The following TBCD variants were observed in gnomAD, a reference collection of about 807,000 sequenced individuals.
The protein encoded by TBCD is tubulin-specific chaperone D.
Under a neutral mutation model 169.3 loss-of-function variants are expected in TBCD, and 105 were observed. That is an observed-to-expected ratio of 0.62 (90% CI 0.53 to 0.73). TBCD has a LOEUF of 0.73. Ranked by LOEUF, TBCD falls within the 30% of genes least tolerant of loss-of-function variation. The pLI is 0.00. For synonymous variants in TBCD, 700 were observed against 643.9 expected, an observed-to-expected ratio of 1.09 and a Z score of -1.32; for missense variants, 1,444 against 1,600.1, an observed-to-expected ratio of 0.90 and a Z score of 1.66.
At chr17:82,883,760 C>T (rs1190297714) in intron 14 of TBCD, among the ~76,000 whole-genome samples, 4 of 152,240 alleles carry the variant, frequency 2.6e-5, no homozygotes, top group East Asian at 1.9e-4. Context: ...TGCCAGTTCT[C>T]GTCCTCCAGG....
In TBCD at chr17:82,843,680, A is replaced by G. The variant is rs187490055; in HGVS notation, c.1319-26544A>G. On this transcript the variant is annotated intron_variant, in intron 13 of 38. Transcript: ENST00000355528. ...TTTCAGGTCAGTTGCAGACATCAGT[A>G]TGCTTTGCCCCAAACACTTTTCAGG... 3.3e-5 allele frequency among the ~76,000 whole-genome samples: 5 copies of G among 150,988 alleles called. No individual in the cohort carries two copies. In the East Asian group the frequency reaches 9.8e-4, roughly 30 times the overall value.
At chr17:82,905,345 C>T (rs2060166869) in intron 19 of TBCD, among the ~76,000 whole-genome samples, 1 of 152,262 alleles carries the variant, frequency 6.6e-6, no homozygotes, top group African/African-American at 2.4e-5. Context: ...ATGTCCAGCA[C>T]ACCGCAGCCT....
At position 82,893,633 on chromosome 17, in the gene TBCD, G is replaced by T; in HGVS notation, c.1649+1G>T. ...GATCCAACTGTTTCCTGGTTATAAG[G>T]TAAGTCTTTAATGTATATCACAAAA... On this transcript the variant is annotated splice_donor_variant, in intron 17 of 38. Transcript: ENST00000355528. LOFTEE classifies it high-confidence loss of function. 6.3e-7 allele frequency: 1 copy of T among 1,599,178 alleles called. No homozygotes were observed.
At chr17:82,787,339 G>C (rs2049391384) in intron 7 of TBCD, among the ~76,000 whole-genome samples, 1 of 152,262 alleles carries the variant, frequency 6.6e-6, no homozygotes, top group Non-Finnish European at 1.5e-5. Flanking sequence ...AAACTGCCGT[G>C]AAGCAACGCC....
At chr17:82,847,023 T>C (rs2055184796) in intron 13 of TBCD, among the ~76,000 whole-genome samples, 1 of 152,220 alleles carries the variant, frequency 6.6e-6, no homozygotes, top group South Asian at 2.1e-4. Flanking sequence ...TCAGCCATTT[T>C]CTACAGGTGG....
intron 12 of TBCD, 43 bp from the exon 13 acceptor site, chr17:82,814,797 G>A (rs1391583100): frequency 3.1e-6 from 5 of 1,603,478 alleles, no homozygotes; most frequent in Non-Finnish European, 4.3e-6. Flanking sequence ...TGAACCAAAA[G>A]CTGACACGTG....
At chr17:82,850,453 C>CTGT (rs1423978529) in intron 13 of TBCD, among the ~76,000 whole-genome samples, 32 of 132,178 alleles carry the variant, frequency 2.4e-4, no homozygotes, top group African/African-American at 5.6e-4. Context: ...TGCTGTTTTG[C>CTGT]TGTTGGCTGT....
chr17:82,774,735 C>T (rs866471103), intron 6 of TBCD, among the ~76,000 whole-genome samples: 5 of 152,214 alleles, frequency 3.3e-5, no homozygotes, highest in Admixed American at 2.0e-4. Context: ...GACTGCTGCC[C>T]TCCCAATTTG....
rs9908751 is a variant in TBCD at position 82,833,954 on chromosome 17, C to T, written c.1318+19020C>T. ...AAGGCTGAGAACAAAGGCTGTTTTT[C>T]TTTTTTTGAGACAGAGTTTCTCCCT... On this transcript the variant is annotated intron_variant, in intron 13 of 38. Transcript: ENST00000355528. The surrounding 1 kb of genome is among the most constrained non-coding windows in gnomAD (Gnocchi z 4.7). 0.77 allele frequency among the ~76,000 whole-genome samples: 115,540 copies of T among 150,430 alleles called. 44,648 individuals carry two copies. Among genetic ancestry groups the T allele is most frequent in the South Asian group, 0.94 (4,519 of 4,784 alleles).
At chr17:82,879,012 T>C (rs2058165416) in intron 14 of TBCD, among the ~76,000 whole-genome samples, 1 of 152,298 alleles carries the variant, frequency 6.6e-6, no homozygotes, top group East Asian at 1.9e-4. Context: ...TGCTCCAGCT[T>C]TGGCCACTTC....
chr17:82,887,182 CGTGCGCTCACGCGTTT>C (rs1259563301), intron 15 of TBCD, among the ~76,000 whole-genome samples: 1 of 130,952 alleles, frequency 7.6e-6, no homozygotes, highest in Non-Finnish European at 1.6e-5. Flanking sequence ...CGCGCGCGCA[CGTGCGCTCACGCGTTT>C]ACTTCTGTGT....
At chr17:82,935,227 T>G (rs2062526883) in intron 34 of TBCD, among the ~76,000 whole-genome samples, 1 of 152,258 alleles carries the variant, frequency 6.6e-6, no homozygotes, top group South Asian at 2.1e-4. Flanking sequence ...CACCCATTTC[T>G]AGGATGCTTT....
intron 11 of TBCD, among the ~76,000 whole-genome samples, chr17:82,808,204 C>T (rs2051124958): frequency 6.6e-6 from 1 of 152,152 alleles, no homozygotes; most frequent in Non-Finnish European, 1.5e-5. Flanking sequence ...AGCCGGTGGC[C>T]CTGTGGGCTC....
intron 26 of TBCD, among the ~76,000 whole-genome samples, chr17:82,924,022 C>T (rs1486146656): frequency 6.6e-6 from 1 of 152,152 alleles, no homozygotes; most frequent in East Asian, 1.9e-4. Flanking sequence ...TGGCGTGATT[C>T]GGCTCACTGC....
chr17:82,936,993 A>G (rs568538026), intron 34 of TBCD, among the ~76,000 whole-genome samples: 1 of 152,296 alleles, frequency 6.6e-6, no homozygotes, highest in South Asian at 2.1e-4. Flanking sequence ...GGGCCTGGAA[A>G]GGGAGGTGGG....
At chr17:82,844,085 C>G (rs1286808616) in intron 13 of TBCD, among the ~76,000 whole-genome samples, 1 of 152,084 alleles carries the variant, frequency 6.6e-6, no homozygotes, top group Non-Finnish European at 1.5e-5. Context: ...CTGTTTTGTT[C>G]TGAGTGTTCC....
chr17:82,802,009 G>T (rs1410690448), intron 9 of TBCD, among the ~76,000 whole-genome samples: 1 of 151,608 alleles, frequency 6.6e-6, no homozygotes, highest in African/African-American at 2.4e-5. Context: ...GCGTGGCAGC[G>T]TGTGTGCGTC....
intron 15 of TBCD, among the ~76,000 whole-genome samples, chr17:82,887,169 G>GCGCA (rs2058799632): frequency 2.5e-5 from 1 of 40,266 alleles, no homozygotes; most frequent in African/African-American, 1.7e-4. Flanking sequence ...GTGTGTGTGT[G>GCGCA]CGCGCGCGCG....
chr17:82,926,042 AC>A (rs1244823735), intron 27 of TBCD, among the ~76,000 whole-genome samples: 58 of 3,106 alleles, frequency 0.019, 11 homozygotes, highest in Admixed American at 0.1. Context: ...GCTGGAGGTG[AC>A]CTCTCCCCGG....
Sources: allele counts gnomAD v4.1 joint callset (sites outside exome capture counted in the v4.1 genomes callset), GRCh38; gene constraint gnomAD v4.1.1; non-coding constraint Gnocchi (gnomAD v3.1); transcripts MANE v1.5; gene names NCBI Gene and HGNC (gene_info 2026-07-23, HGNC 2026-07-21).